Variants in CPT1C observed in about 807,000 individuals in gnomAD.
CPT1C encodes the protein carnitine palmitoyltransferase 1C.
CPT1C carries 61 observed loss-of-function variants against 97.3 expected under a neutral mutation model. The observed-to-expected ratio is 0.63, with a 90% CI of 0.51 to 0.78. The LOEUF is 0.78. CPT1C is among the 30% of genes least tolerant of loss of function. CPT1C has a pLI of 0.00. For synonymous variants in CPT1C, 469 were observed against 447.2 expected (o/e 1.05, Z -0.61); for missense variants, 975 against 1,065.5 (o/e 0.92, Z 1.18).
chr19:49,704,948 G>T, intron 8 of CPT1C, 59 bp from the exon 9 acceptor site: 2 of 1,471,502 alleles, frequency 1.4e-6, no homozygotes, highest in Non-Finnish European at 1.9e-6. Flanking sequence ...TGGGTCAGTG[G>T]CTCCATCGGG....
intron 3 of CPT1C, 74 bp from the exon 4 acceptor site, chr19:49,697,252 G>T: frequency 6.3e-7 from 1 of 1,596,254 alleles, no homozygotes; most frequent in Non-Finnish European, 8.6e-7. Flanking sequence ...GCTCAGTAAT[G>T]TCTGGGGATG....
chr19:49,713,081 T>C lies in CPT1C; in HGVS notation c.2226+17T>C, dbSNP rs754148877. The stretch of plus-strand genomic sequence containing the variant: ...ACAAAAACGGTGAGACAAACGTGTA[T>C]ACCCACCAACTCCCTCTTTCCTCAG... On this transcript the variant is annotated intron_variant, in intron 19 of 19. Coordinates refer to ENST00000598293, the MANE Select transcript of CPT1C (RefSeq NM_001199753.2). The C allele has an allele frequency of 3.1e-6, 5 of 1,597,396 alleles. No homozygotes were observed. In the South Asian group the frequency reaches 4.4e-5, roughly 14 times the overall value.
Position 49,705,902 on chromosome 19 carries a change from C to G in CPT1C, c.965-7C>G. 1 of 1,611,582 alleles carries G rather than the reference C, an allele frequency of 6.2e-7. No individual in the cohort carries two copies. Among genetic ancestry groups the G allele is most frequent in the Non-Finnish European group, 8.5e-7 (1 of 1,178,558 alleles). On this transcript the variant is annotated splice_polypyrimidine_tract_variant and splice_region_variant and intron_variant, in intron 10 of 19. Transcript: ENST00000598293. ...TGCCCCCATGCTTCTGCCAACGCCA[C>G]CCCTAGACTACATCCGCCACCTCCA...
chr19:49,703,554 GTC>G (rs1433402256), intron 7 of CPT1C, among the ~76,000 whole-genome samples: 25 of 54,208 alleles, frequency 4.6e-4, no homozygotes, highest in Non-Finnish European at 7.3e-4. Flanking sequence ...CTCCCTTTCT[GTC>G]TCTCTCTCCT....
chr19:49,690,891 A>C (rs1389933740), upstream of CPT1C: 1 of 168,798 alleles, frequency 5.9e-6, no homozygotes, highest in Non-Finnish European at 1.3e-5. This position sits in a 1 kb window ranked among gnomAD's most constrained non-coding sequence, Gnocchi z 4.4. Context: ...TTGTTCCTCG[A>C]AGAGACAGGA....
rs200950978 is a variant in CPT1C at position 49,704,997 on chromosome 19, T to C, written c.772-10T>C. The C allele has an allele frequency of 6.3e-5, 100 of 1,582,772 alleles. No individual in the cohort carries two copies. In the East Asian group the frequency reaches 2.2e-3, roughly 35 times the overall value. On this transcript the variant is annotated splice_polypyrimidine_tract_variant and intron_variant, in intron 8 of 19. Transcript: ENST00000598293. The stretch of plus-strand genomic sequence containing the variant: ...CTGGGTGTTTTGCCATCCCCTCTCC[T>C]GGTCCCCAGGACTTCCTGTATGTCA...
At chr19:49,708,002 C>CAAAAAAAAA (rs60276067) in intron 13 of CPT1C, among the ~76,000 whole-genome samples, 2 of 56,788 alleles carry the variant, frequency 3.5e-5, no homozygotes, top group Non-Finnish European at 7.0e-5. Flanking sequence ...GAATACATCT[C>CAAAAAAAAA]AAAAAAAAAA....
chr19:49,693,682 G>A (rs1220076871), intron 3 of CPT1C, among the ~76,000 whole-genome samples: 3 of 152,034 alleles, frequency 2.0e-5, no homozygotes, highest in Admixed American at 2.0e-4. Flanking sequence ...CCAGCACTTT[G>A]GGAGGCTGAG....
chr19:49,710,636 G>A, intron 15 of CPT1C, 87 bp from the exon 16 acceptor site: 1 of 1,576,106 alleles, frequency 6.3e-7, no homozygotes, highest in South Asian at 1.1e-5. Flanking sequence ...GGCTGGAGGA[G>A]GCTGGAGGTC....
rs745995686 is a variant in CPT1C, at chr19:49,705,194, C to T, written c.880-20C>T. 7.4e-6 allele frequency: 12 copies of T among 1,613,992 alleles called. No individual in the cohort carries two copies. In the Admixed American group the frequency reaches 1.3e-4, roughly 18 times the overall value. ...CACGTGGGTCCTGGAAGGCAGCTCACAGCCCACGGTTTCCTGCAGACTTTG... is the reference window on the plus strand; with the variant it reads ...CACGTGGGTCCTGGAAGGCAGCTCATAGCCCACGGTTTCCTGCAGACTTTG... On this transcript the variant is annotated intron_variant, in intron 9 of 19. Coordinates refer to ENST00000598293, the MANE Select transcript of CPT1C (RefSeq NM_001199753.2).
Position 49,701,490 on chromosome 19 carries a change from C to G in CPT1C, c.556-7C>G. ...GGGGGCGTGACCTGCCCTCTTCTCC[C>G]CTTTAGTACCTGGAGTCGGTCCGGC... is the stretch of plus-strand genomic sequence containing the variant. On this transcript the variant is annotated splice_polypyrimidine_tract_variant and splice_region_variant and intron_variant, in intron 6 of 19. Coordinates refer to ENST00000598293, the MANE Select transcript of CPT1C (RefSeq NM_001199753.2). 1 of 1,603,580 alleles carries G rather than the reference C, an allele frequency of 6.2e-7. No homozygotes were observed. Among genetic ancestry groups the G allele is most frequent in the Non-Finnish European group, 8.5e-7 (1 of 1,172,382 alleles).
chr19:49,710,579 T>C (rs759777072), intron 15 of CPT1C, 95 bp downstream of exon 15: 1 of 1,570,006 alleles, frequency 6.4e-7, no homozygotes, highest in South Asian at 1.1e-5. Flanking sequence ...GTCGCTGCCA[T>C]TGTGGGTCGG....
intron 7 of CPT1C, among the ~76,000 whole-genome samples, chr19:49,704,493 T>C (rs765398466): frequency 6.6e-6 from 1 of 152,156 alleles, no homozygotes. Context: ...TTCCACCAGC[T>C]ATGTAATATT....
chr19:49,702,953 C>T (rs1180972406), intron 7 of CPT1C, among the ~76,000 whole-genome samples: 3 of 152,048 alleles, frequency 2.0e-5, no homozygotes, highest in Admixed American at 2.0e-4. Flanking sequence ...TATGTGGAAG[C>T]CTCAGTTGGT....
In CPT1C at chr19:49,701,626, T is replaced by G. The variant is rs771457409; in HGVS notation, c.685T>G (p.Ser229Ala). The G allele has an allele frequency of 6.2e-7, 1 of 1,600,522 alleles. No individual in the cohort carries two copies. The highest frequency in any genetic ancestry group is 8.5e-7 in the Non-Finnish European group (1 of 1,171,308). ...CCTGCGGCTCAAGTCCTGGTGGGCG[T>G]CCAATTATGTGAGTCCCGCCACCGC... The part of the protein sequence containing the change: ...WYLRLKSWWA[S>A]NYVSDWWEEF... The change falls in exon 7 of 20, where the codon TCC becomes GCC. Residue 229 changes from serine to alanine, a missense_variant. Physicochemically the swap from Ser to Ala is moderately conservative, Grantham distance 99 (BLOSUM62 1). Around this residue, in one of 3 missense-constraint regions of CPT1C, gnomAD observed 596 missense variants for 603.1 expected, o/e 0.99. Coordinates refer to ENST00000598293, the MANE Select transcript of CPT1C (RefSeq NM_001199753.2).
intron 4 of CPT1C, among the ~76,000 whole-genome samples, chr19:49,698,402 C>T (rs1224775186): frequency 6.6e-6 from 1 of 152,004 alleles, no homozygotes; most frequent in Non-Finnish European, 1.5e-5. Flanking sequence ...GTGGTTTACA[C>T]CTGTAATCCC....
chr19:49,707,777 C>T (rs757542179), intron 13 of CPT1C, among the ~76,000 whole-genome samples, 154 bp downstream of exon 13: 1 of 150,880 alleles, frequency 6.6e-6, no homozygotes, highest in African/African-American at 2.4e-5. Context: ...CCGAGGTGGG[C>T]GGATCATGAG....
rs1307581909 is a variant in CPT1C, at chr19:49,694,833, T to C, written c.141+2440T>C. ...TTGGGCCTCAGGCCAGTCTACCAAC[T>C]AAAGTGTTAACATGTGACCATCCTT... On this transcript the variant is annotated intron_variant, in intron 3 of 19. Coordinates refer to ENST00000598293, the MANE Select transcript of CPT1C (RefSeq NM_001199753.2). Among the ~76,000 whole-genome samples, 3 of 152,044 alleles carry C rather than the reference T, an allele frequency of 2.0e-5. No homozygotes were observed. The East Asian group carries it at 5.8e-4, about 30-fold the overall frequency.
In CPT1C at chr19:49,701,341, C is replaced by G; in HGVS notation, c.478C>G (p.Arg160Gly). Residue 160 changes from arginine (R) to glycine (G), a missense_variant, in exon 6 of 20, where the codon CGC becomes GGC. Arg to Gly is a moderately radical substitution (Grantham distance 125, BLOSUM62 -2). Coordinates refer to ENST00000598293, the MANE Select transcript of CPT1C (RefSeq NM_001199753.2). ...GGCCCTGGTCCGCATCTTCTCTGGCCGCCACCCGATGCTGTTCAGTTACCA... is the reference window on the plus strand; with the variant it reads ...GGCCCTGGTCCGCATCTTCTCTGGCGGCCACCCGATGCTGTTCAGTTACCA... ...WLALVRIFSG[R>G]HPMLFSYQRS... The G allele has an allele frequency of 6.2e-7, 1 of 1,613,398 alleles. No homozygotes were observed. The highest frequency in any genetic ancestry group is 2.2e-5 in the East Asian group (1 of 44,862).
Sources: gnomAD v4.1 joint callset for allele counts (sites outside exome capture counted in the v4.1 genomes callset) on GRCh38, gnomAD v4.1.1 for gene constraint, gnomAD v4.1.1 regional missense constraint, Gnocchi (gnomAD v3.1) non-coding constraint, MANE v1.5 for transcripts, NCBI Gene and HGNC (gene_info 2026-07-23, HGNC 2026-07-21) for gene names.